Variants in SDR42E1 observed in about 807,000 individuals in gnomAD.
SDR42E1 encodes the protein short chain dehydrogenase/reductase family 42E, member 1.
A neutral mutation model predicts 2.6 loss-of-function variants in SDR42E1; 5 were observed. That is an observed-to-expected ratio of 1.94 (90% CI 1.01 to 4.08). The LOEUF (loss-of-function observed/expected upper bound fraction) is 4.08, where lower values mean the gene tolerates loss of function less well. Among genes scored for constraint, SDR42E1 ranks in the 30% most tolerant of loss-of-function variants. SDR42E1 has a pLI of 0.00. For missense variants in SDR42E1, 596 were observed against 478.6 expected (o/e 1.25, Z -2.29); for synonymous variants, 231 against 188.3 (o/e 1.23, Z -1.86).
intron 2 of SDR42E1, 57 bp downstream of exon 2, chr16:82,000,734 G>A: frequency 1.6e-6 from 2 of 1,286,672 alleles, no homozygotes; most frequent in Non-Finnish European, 1.1e-6. Context: ...AGAGTTGAAT[G>A]CTTCTGGCAA....
Position 81,992,591 on chromosome 16 carries a change from A to G in SDR42E1, c.*6520T>C, listed in dbSNP as rs1231047114. ...GGAGGCTAGAGCAAAAGATATGTAG[A>G]ATACTTGCCAAGATTAAAATCTTGC... On this transcript the variant is annotated 3_prime_UTR_variant, in exon 3 of 3. Transcript: ENST00000328945. The G allele has an allele frequency of 1.3e-5, 2 of 152,200 alleles. No individual in the cohort carries two copies. The allele number at this position is 152,200 out of a possible 1,614,324, so 9.4% of individuals were successfully genotyped here. A position where few individuals can be genotyped will look rare whatever the true frequency, so the allele number is the denominator to read the frequency against.
In SDR42E1 at chr16:81,994,771, A is replaced by G. The variant is rs1447075969; in HGVS notation, c.*4340T>C. ...TTCTACCCTTTGTAAGGCTGGGCGA[A>G]CCGGAGATTTGGAAAGCAATACAAG... On this transcript the variant is annotated 3_prime_UTR_variant, in exon 3 of 3. Transcript: ENST00000328945. The G allele has an allele frequency of 1.3e-5, 2 of 152,234 alleles. No homozygotes were observed. The highest frequency in any genetic ancestry group is 2.4e-5 in the African/African-American group (1 of 41,444). 9.4% of individuals were successfully genotyped at this position (152,234 alleles called of 1,614,324 possible).
chr16:82,000,689 C>T lies in SDR42E1; in HGVS notation c.68+102G>A, dbSNP rs1001501421. On this transcript the variant is annotated intron_variant, in intron 2 of 2. Transcript: ENST00000328945. ...GCAACACAGATCATTTCTGGTTTGA[C>T]ATTACACAAACAAGTAAAAGTCTGC... 2.7e-5 allele frequency: 23 copies of T among 847,936 alleles called. No individual in the cohort carries two copies. In the African/African-American group the frequency reaches 3.2e-4, roughly 12 times the overall value. 52.5% of individuals were successfully genotyped at this position (847,936 alleles called of 1,614,324 possible). A position where few individuals can be genotyped will look rare whatever the true frequency, so the allele number is the denominator to read the frequency against.
chr16:82,010,965 C>T (rs1033305122), intron 1 of SDR42E1, among the ~76,000 whole-genome samples: 1 of 152,198 alleles, frequency 6.6e-6, no homozygotes, highest in Admixed American at 6.5e-5. Context: ...TTACCTTTTC[C>T]CAACAAATAC....
rs1237705078 is a variant in SDR42E1, at chr16:81,999,672, AC to A, written c.620del (p.Gly207ValfsTer33). ...LPRIVSYIEKGLFKFVYGDPR... is the reference protein window; with the variant it reads ...LPRIVSYIEKXLFKFVYGDPR... Reference sequence around the variant, plus strand: ...GGTCCCCGTAGACAAACTTGAACAGACCCTTCTCGATGTAGCTGACTATCCT... The same window carrying A: ...GGTCCCCGTAGACAAACTTGAACAGACCTTCTCGATGTAGCTGACTATCCT... On this transcript the variant is annotated frameshift_variant, in exon 3 of 3. Transcript: ENST00000328945. LOFTEE classifies it low-confidence loss of function (END_TRUNC). 24 of 1,613,740 alleles carry A rather than the reference AC, an allele frequency of 1.5e-5. No individual in the cohort carries two copies. Among genetic ancestry groups the A allele is most frequent in the Non-Finnish European group, 1.9e-5 (23 of 1,179,952 alleles).
At chr16:82,007,193 T>C (rs1188306331) in intron 1 of SDR42E1, among the ~76,000 whole-genome samples, 1 of 152,202 alleles carries the variant, frequency 6.6e-6, no homozygotes, top group African/African-American at 2.4e-5. Context: ...TAAATATAAA[T>C]GGGGTGAACA....
At position 81,999,997 on chromosome 16, in the gene SDR42E1, T is replaced by G; in HGVS notation, c.296A>C (p.Asn99Thr). 1 of 1,614,224 alleles carries G rather than the reference T, an allele frequency of 6.2e-7. No homozygotes were observed. The highest frequency in any genetic ancestry group is 8.5e-7 in the Non-Finnish European group (1 of 1,180,022). The change falls in exon 3 of 3, where the codon AAC becomes ACC. Residue 99 changes from asparagine (N) to threonine (T), a missense_variant. Physicochemically the swap from Asn to Thr is moderately conservative, Grantham distance 65 (BLOSUM62 0). Coordinates refer to ENST00000328945, the MANE Select transcript of SDR42E1 (RefSeq NM_145168.3). ...QLNRNLIKEV[N>T]VRGTDNILQV... The stretch of plus-strand genomic sequence containing the variant: ...GAGGATGTTGTCTGTGCCCCTGACG[T>G]TGACTTCTTTGATCAGGTTTCGATT...
intron 2 of SDR42E1, 21 bp from the exon 3 acceptor site, chr16:82,000,245 C>G (rs371009788): frequency 2.5e-6 from 4 of 1,600,952 alleles, no homozygotes; most frequent in Non-Finnish European, 3.4e-6. Flanking sequence ...AAACAGTAAA[C>G]GTTGAATCAA....
rs1912478611 is a variant in SDR42E1 at position 81,993,691 on chromosome 16, G to A, written c.*5420C>T. 6.6e-6 allele frequency: 1 copy of A among 152,140 alleles called. No individual in the cohort carries two copies. The highest frequency in any genetic ancestry group is 1.5e-5 in the Non-Finnish European group (1 of 68,022). The allele number at this position is 152,140 out of a possible 1,614,324, so 9.4% of individuals were successfully genotyped here. ...ATAAGTGCATTCACCCCGTCAACAAGCATTTATTGGGCATATGAAGGGTAC... is the reference window on the plus strand; with the variant it reads ...ATAAGTGCATTCACCCCGTCAACAAACATTTATTGGGCATATGAAGGGTAC... On this transcript the variant is annotated 3_prime_UTR_variant, in exon 3 of 3. Coordinates refer to ENST00000328945, the MANE Select transcript of SDR42E1 (RefSeq NM_145168.3).
chr16:81,989,684 G>C lies in SDR42E1; in HGVS notation c.*9427C>G, dbSNP rs1912383472. On this transcript the variant is annotated 3_prime_UTR_variant, in exon 3 of 3. Transcript: ENST00000328945. ...TCAAGAAAAGAAAAACTCATTTTCAGTTTAGAGCTCAAAACGTGACTGAAT... is the reference window on the plus strand; with the variant it reads ...TCAAGAAAAGAAAAACTCATTTTCACTTTAGAGCTCAAAACGTGACTGAAT... 1 of 152,186 alleles carries C rather than the reference G, an allele frequency of 6.6e-6. No homozygotes were observed. The allele number at this position is 152,186 out of a possible 1,614,324, so 9.4% of individuals were successfully genotyped here.
chr16:82,002,217 CTA>C (rs1406192123), intron 1 of SDR42E1, among the ~76,000 whole-genome samples: 1 of 152,132 alleles, frequency 6.6e-6, no homozygotes, highest in Non-Finnish European at 1.5e-5. Flanking sequence ...GGCAGAGAGG[CTA>C]TGAGTGTGAA....
intron 1 of SDR42E1, chr16:82,007,597 C>G (rs1024710966): frequency 6.6e-6 from 1 of 152,246 alleles, no homozygotes; most frequent in African/African-American, 2.4e-5. Context: ...CGCAGCAGCA[C>G]TCGAGGCTGT....
rs571220997 is a variant in SDR42E1, at chr16:81,993,029, A to G, written c.*6082T>C. 6.6e-5 allele frequency: 10 copies of G among 152,258 alleles called. No individual in the cohort carries two copies. In the South Asian group the frequency reaches 2.1e-3, roughly 32 times the overall value. The allele number at this position is 152,258 out of a possible 1,614,324, so 9.4% of individuals were successfully genotyped here. ...GCCAAAGAATCCCTTTGGCTCAAGA[A>G]AAAGAGGCTCTAGGTTGGCTGGAAA... On this transcript the variant is annotated 3_prime_UTR_variant, in exon 3 of 3. Coordinates refer to ENST00000328945, the MANE Select transcript of SDR42E1 (RefSeq NM_145168.3).
chr16:82,007,435 A>G (rs1014562084), intron 1 of SDR42E1, among the ~76,000 whole-genome samples: 4 of 152,218 alleles, frequency 2.6e-5, no homozygotes, highest in African/African-American at 9.7e-5. Flanking sequence ...ACCCTCTCAG[A>G]TGAGTACTAA....
Position 81,990,080 on chromosome 16 carries a change from G to A in SDR42E1, c.*9031C>T, listed in dbSNP as rs752609930. The A allele has an allele frequency of 6.6e-6, 1 of 152,500 alleles. No individual in the cohort carries two copies. The highest frequency in any genetic ancestry group is 6.5e-5 in the Admixed American group (1 of 15,302). The allele number at this position is 152,500 out of a possible 1,614,324, so 9.4% of individuals were successfully genotyped here. On this transcript the variant is annotated 3_prime_UTR_variant, in exon 3 of 3. Coordinates refer to ENST00000328945, the MANE Select transcript of SDR42E1 (RefSeq NM_145168.3). ...TAATCTCACCACTTTGGGAGACTGA[G>A]GAAGGAGGATCACCTAAGGCCAGGA...
Position 81,999,130 on chromosome 16 carries a change from G to A in SDR42E1, c.1163C>T (p.Ser388Phe), listed in dbSNP as rs771833677. ...CCTCCTTCACAGTGACAGAATCACA[G>A]AAGAAGGCAGCCACATGAGAACTGC... ...IIAVLMWLPS[S>F]VILSL Residue 388 changes from serine to phenylalanine, a missense_variant, in exon 3 of 3, where the codon TCT becomes TTT. Ser to Phe is a radical substitution (Grantham distance 155). Transcript: ENST00000328945. 20 of 1,601,616 alleles carry A rather than the reference G, an allele frequency of 1.2e-5. No homozygotes were observed. Among genetic ancestry groups the A allele is most frequent in the African/African-American group, 4.0e-5 (3 of 74,788 alleles).
chr16:81,992,483 T>C lies in SDR42E1; in HGVS notation c.*6628A>G, dbSNP rs1912449787. 6.6e-6 allele frequency: 1 copy of C among 152,192 alleles called. No homozygotes were observed. The highest frequency in any genetic ancestry group is 1.5e-5 in the Non-Finnish European group (1 of 68,038). The allele number at this position is 152,192 out of a possible 1,614,324, so 9.4% of individuals were successfully genotyped here. ...CTGTTAAGAGCAAAAGACGACTCAT[T>C]CTTATAACATATATACATATGTTAA... On this transcript the variant is annotated 3_prime_UTR_variant, in exon 3 of 3. Transcript: ENST00000328945.
At position 82,004,332 on chromosome 16, in the gene SDR42E1, C is replaced by G. The variant is rs1481805051; in HGVS notation, c.-26-3448G>C. On this transcript the variant is annotated intron_variant, in intron 1 of 2. Transcript: ENST00000328945. Reference sequence around the variant, plus strand: ...AGGGTTATCACAGGTGGGGGTGCACCACGAATAAATGGATCACATGCAGGG... The same window carrying G: ...AGGGTTATCACAGGTGGGGGTGCACGACGAATAAATGGATCACATGCAGGG... Among the ~76,000 whole-genome samples the G allele has an allele frequency of 3.9e-5, 6 of 152,066 alleles. No homozygotes were observed. The South Asian group carries it at 1.0e-3, about 26-fold the overall frequency.
Position 81,999,064 on chromosome 16 carries a change from G to C in SDR42E1, c.*47C>G, listed in dbSNP as rs1339126223. The stretch of plus-strand genomic sequence containing the variant: ...ACACATTTTAAAACCCATGTTTCTT[G>C]AGAACCATCTCAGCCAACTGTGATC... On this transcript the variant is annotated 3_prime_UTR_variant, in exon 3 of 3. Coordinates refer to ENST00000328945, the MANE Select transcript of SDR42E1 (RefSeq NM_145168.3). 1.9e-6 allele frequency: 3 copies of C among 1,565,768 alleles called. No homozygotes were observed. The highest frequency in any genetic ancestry group is 3.8e-5 in the Admixed American group (2 of 52,698).
Sources: allele counts gnomAD v4.1 joint callset (sites outside exome capture counted in the v4.1 genomes callset), GRCh38; gene constraint gnomAD v4.1.1; transcripts MANE v1.5; gene names NCBI Gene and HGNC (gene_info 2026-07-23, HGNC 2026-07-21).